The following AOPEP variants were observed in gnomAD, a reference collection of about 807,000 sequenced individuals.
AOPEP encodes the protein aminopeptidase O.
In AOPEP, 77 loss-of-function variants were observed where a neutral mutation model predicts 98.1. That is an observed-to-expected ratio of 0.78 (90% CI 0.65 to 0.95). AOPEP has a LOEUF of 0.95. Among genes scored for constraint, AOPEP ranks in the 40% least tolerant of loss-of-function variants. The pLI, the probability that AOPEP is intolerant of heterozygous loss-of-function variation, is 0.00. For synonymous variants in AOPEP, 346 were observed against 365.3 expected (o/e 0.95, Z 0.60); for missense variants, 1,024 against 1,024.7 (o/e 1.00, Z 0.01).
chr9:94,777,418 C>T (rs1842359773), intron 3 of AOPEP, among the ~76,000 whole-genome samples: 5 of 145,312 alleles, frequency 3.4e-5, no homozygotes, highest in East Asian at 2.0e-4. Context: ...GGCGACAGAG[C>T]GAGACTCCAT....
chr9:94,871,595 C>T (rs2046352770), intron 5 of AOPEP, among the ~76,000 whole-genome samples: 1 of 152,176 alleles, frequency 6.6e-6, no homozygotes. Context: ...TGAATTTCTG[C>T]AACCTCTTAT....
chr9:94,754,934 T>C (rs34335636), intron 1 of AOPEP, among the ~76,000 whole-genome samples: 8,522 of 152,254 alleles, frequency 0.056, 361 homozygotes, highest in South Asian at 0.11. Flanking sequence ...GGCAGAGCAG[T>C]TTCTTCTTTG....
intron 11 of AOPEP, chr9:95,004,428 C>T (rs1402334045): frequency 5.3e-6 from 2 of 376,666 alleles, no homozygotes; most frequent in African/African-American, 4.2e-5. Context: ...TTCTCTGCGC[C>T]CTGGCCTCGC....
chr9:95,101,600 A>G, the AOPEP span: 1 of 1,365,866 alleles, frequency 7.3e-7, no homozygotes, highest in Non-Finnish European at 1.0e-6. Flanking sequence ...CTCACAGCCC[A>G]GCGAGGGCAC....
In AOPEP at chr9:94,891,395, T is replaced by G. The variant is rs760812310; in HGVS notation, c.1365-32591T>G. On this transcript the variant is annotated intron_variant, in intron 5 of 16. Transcript: ENST00000375315. ...TTTAAATTGGCATATTTAGGCCATTTATATTTAATGTAATTATGATATGCT... is the reference window on the plus strand; with the variant it reads ...TTTAAATTGGCATATTTAGGCCATTGATATTTAATGTAATTATGATATGCT... 6.6e-5 allele frequency among the ~76,000 whole-genome samples: 10 copies of G among 152,234 alleles called. 1 individual carries two copies. Among genetic ancestry groups the G allele is most frequent in the Non-Finnish European group, 1.0e-4 (7 of 68,034 alleles).
intron 5 of AOPEP, among the ~76,000 whole-genome samples, chr9:94,853,187 CA>C (rs2043771378): frequency 6.6e-6 from 1 of 152,204 alleles, no homozygotes; most frequent in Admixed American, 6.5e-5. Flanking sequence ...AGGCTGGGCG[CA>C]GTGGCTAATG....
intron 5 of AOPEP, among the ~76,000 whole-genome samples, chr9:94,901,987 A>G (rs973702973): frequency 6.6e-6 from 1 of 152,172 alleles, no homozygotes; most frequent in Non-Finnish European, 1.5e-5. Flanking sequence ...TCTTGTTAAA[A>G]TGCAGATTTC....
intron 5 of AOPEP, among the ~76,000 whole-genome samples, chr9:94,848,507 A>G (rs1464533698): frequency 6.7e-6 from 1 of 149,722 alleles, no homozygotes; most frequent in Non-Finnish European, 1.5e-5. Flanking sequence ...CTGTAGTCCC[A>G]GCTACTTGGG....
intron 1 of AOPEP, among the ~76,000 whole-genome samples, chr9:94,750,795 C>T (rs1382129183): frequency 9.3e-5 from 12 of 128,562 alleles, no homozygotes; most frequent in East Asian, 2.3e-4. Flanking sequence ...CTCACTCTGT[C>T]GCCAGGCAGT....
chr9:95,147,750 A>G, the AOPEP span, among the ~76,000 whole-genome samples: 4 of 152,226 alleles, frequency 2.6e-5, no homozygotes, highest in Admixed American at 2.0e-4. Context: ...TCAGTTTGAG[A>G]CCAATCATTC....
At chr9:94,728,239 G>GCGCGCGCGCGCACACACACACACACA (rs113657409) in intron 1 of AOPEP, among the ~76,000 whole-genome samples, 63 of 146,604 alleles carry the variant, frequency 4.3e-4, no homozygotes, top group Middle Eastern at 3.5e-3. Flanking sequence ...GTGCGCGCAT[G>GCGCGCGCGCGCACACACACACACACA]CACACACACA....
intron 13 of AOPEP, among the ~76,000 whole-genome samples, chr9:95,027,181 G>A (rs1670428505): frequency 2.0e-5 from 3 of 152,156 alleles, no homozygotes; most frequent in African/African-American, 7.2e-5. Context: ...AGGATCGCTT[G>A]AGCCCAGGAG....
chr9:95,135,039 C>T, the AOPEP span, among the ~76,000 whole-genome samples: 1 of 152,172 alleles, frequency 6.6e-6, no homozygotes, highest in African/African-American at 2.4e-5. Flanking sequence ...TTTCCAAAAA[C>T]TTATTTTCCA....
intron 1 of AOPEP, among the ~76,000 whole-genome samples, chr9:94,756,318 C>T (rs1013441699): frequency 6.6e-6 from 1 of 151,232 alleles, no homozygotes; most frequent in Non-Finnish European, 1.5e-5. Flanking sequence ...AATCCCAGCA[C>T]TTTGGGAGGC....
intron 5 of AOPEP, among the ~76,000 whole-genome samples, chr9:94,910,308 C>G (rs1046216318): frequency 6.6e-6 from 1 of 152,192 alleles, no homozygotes; most frequent in Non-Finnish European, 1.5e-5. Flanking sequence ...ACCCTGGGCC[C>G]TGCACTCCAG....
chr9:95,115,098 G>C, the AOPEP span, among the ~76,000 whole-genome samples: 1 of 152,086 alleles, frequency 6.6e-6, no homozygotes, highest in African/African-American at 2.4e-5. Context: ...GCACCACCAT[G>C]CCCAGCTATT....
intron 4 of AOPEP, among the ~76,000 whole-genome samples, chr9:94,799,330 G>A (rs1305302974): frequency 1.3e-5 from 2 of 151,866 alleles, no homozygotes; most frequent in Admixed American, 6.6e-5. Context: ...TGAGGCAGGA[G>A]GATCATTTGA....
chr9:95,057,525 C>T (rs1278711351), intron 13 of AOPEP, among the ~76,000 whole-genome samples: 2 of 152,190 alleles, frequency 1.3e-5, no homozygotes, highest in Non-Finnish European at 2.9e-5. Context: ...GGTGGCTTTA[C>T]GGGGAGCAAA....
intron 12 of AOPEP, 33 bp from the exon 13 acceptor site, chr9:95,005,509 C>A (rs750116368): frequency 6.2e-7 from 1 of 1,601,504 alleles, no homozygotes; most frequent in South Asian, 1.1e-5. Context: ...ACCCTGTCGC[C>A]TTCTTTGAAA....
Sources: allele counts gnomAD v4.1 joint callset (sites outside exome capture counted in the v4.1 genomes callset), GRCh38; gene constraint gnomAD v4.1.1; transcripts MANE v1.5; gene names NCBI Gene and HGNC (gene_info 2026-07-23, HGNC 2026-07-21).